Variants in CIT observed in about 807,000 individuals in gnomAD.
CIT encodes the protein citron Rho-interacting kinase.
Under a neutral mutation model 272.7 loss-of-function variants are expected in CIT, and 79 were observed. The observed-to-expected ratio is 0.29, with a 90% CI of 0.24 to 0.35. CIT has a LOEUF of 0.35. CIT is among the 10% of genes least tolerant of loss of function. The pLI is 1.00. For missense variants in CIT, 1,909 were observed against 2,618.3 expected, an observed-to-expected ratio of 0.73 and a Z score of 5.91; for synonymous variants, 948 against 995.6, an observed-to-expected ratio of 0.95 and a Z score of 0.90.
At chr12:119,798,020 C>T (rs1364725533) in intron 10 of CIT, among the ~76,000 whole-genome samples, 1 of 152,164 alleles carries the variant, frequency 6.6e-6, no homozygotes, top group Non-Finnish European at 1.5e-5. Context: ...CCTCTCTTTG[C>T]CAAGCTTAAG....
intron 13 of CIT, among the ~76,000 whole-genome samples, chr12:119,779,651 T>C (rs943777489): frequency 3.3e-5 from 5 of 152,138 alleles, no homozygotes; most frequent in Non-Finnish European, 5.9e-5. Flanking sequence ...GAGAAGGGAA[T>C]GTAATTTTTG....
chr12:119,698,727 A>T (rs1007950090), intron 44 of CIT, among the ~76,000 whole-genome samples: 3 of 152,212 alleles, frequency 2.0e-5, no homozygotes, highest in Admixed American at 2.0e-4. Flanking sequence ...GTTCAGAATC[A>T]TGTGGGAAGT....
At chr12:119,771,522 G>A (rs1421741845) in intron 17 of CIT, among the ~76,000 whole-genome samples, 1 of 152,130 alleles carries the variant, frequency 6.6e-6, no homozygotes, top group Non-Finnish European at 1.5e-5. Flanking sequence ...TAAGGGGAAG[G>A]GCAGGTGAAA....
At chr12:119,811,771 GT>G (rs917673996) in intron 9 of CIT, among the ~76,000 whole-genome samples, 81 of 152,156 alleles carry the variant, frequency 5.3e-4, no homozygotes, top group African/African-American at 1.8e-3. Flanking sequence ...GCTTTACTTT[GT>G]TTTTTTCTCT....
intron 23 of CIT, among the ~76,000 whole-genome samples, chr12:119,744,869 AC>A (rs1454528655): frequency 2.6e-5 from 4 of 152,144 alleles, no homozygotes; most frequent in Non-Finnish European, 5.9e-5. Context: ...GAACTTGAAG[AC>A]AAGTAGAAAC....
chr12:119,737,335 A>G (rs1216794463), intron 24 of CIT, among the ~76,000 whole-genome samples: 2 of 148,692 alleles, frequency 1.3e-5, no homozygotes, highest in Non-Finnish European at 3.0e-5. Flanking sequence ...AAAAAAAAAA[A>G]AAAAAAAGCC....
Position 119,686,656 on chromosome 12 carries a change from T to C in CIT, c.*1576A>G, listed in dbSNP as rs973095913. On this transcript the variant is annotated 3_prime_UTR_variant, in exon 48 of 48. Coordinates refer to ENST00000392521, the MANE Select transcript of CIT (RefSeq NM_001206999.2). ...GCCTACCTAGGAGGTGCCTGGGTTG[T>C]TGAGGCGGGCCTAAGAGTCGTGGAG... is the stretch of plus-strand genomic sequence containing the variant. The C allele has an allele frequency of 6.6e-6, 1 of 152,340 alleles. No homozygotes were observed. The highest frequency in any genetic ancestry group is 2.4e-5 in the African/African-American group (1 of 41,442). 9.4% of individuals were successfully genotyped at this position (152,340 alleles called of 1,614,324 possible). A position where few individuals can be genotyped will look rare whatever the true frequency, so the allele number is the denominator to read the frequency against.
chr12:119,707,798 C>A (rs1452189880), intron 40 of CIT, among the ~76,000 whole-genome samples: 2 of 152,220 alleles, frequency 1.3e-5, no homozygotes, highest in Non-Finnish European at 2.9e-5. Flanking sequence ...CCGCGCCCGG[C>A]CAGGCCATTG....
chr12:119,809,994 G>C (rs922387251), intron 9 of CIT, among the ~76,000 whole-genome samples: 12 of 152,324 alleles, frequency 7.9e-5, no homozygotes, highest in Non-Finnish European at 1.5e-4. Context: ...CTCGCCCTAT[G>C]CATTTCTTCA....
At chr12:119,742,321 CA>C (rs1487029120) in intron 24 of CIT, 89 bp downstream of exon 24, 3 of 898,328 alleles carry the variant, frequency 3.3e-6, no homozygotes, top group Non-Finnish European at 3.3e-6. Flanking sequence ...TATCAAAACT[CA>C]GTCACCAATA....
At chr12:119,788,622 G>GT (rs1430017265) in intron 10 of CIT, among the ~76,000 whole-genome samples, 1 of 152,166 alleles carries the variant, frequency 6.6e-6, no homozygotes, top group Non-Finnish European at 1.5e-5. Flanking sequence ...CCTGTTTAAA[G>GT]TGCACCGCTG....
chr12:119,844,413 A>G (rs1332041276), intron 5 of CIT, among the ~76,000 whole-genome samples: 1 of 152,138 alleles, frequency 6.6e-6, no homozygotes, highest in East Asian at 1.9e-4. Flanking sequence ...GCAAAATGGG[A>G]AGTCACACTA....
chr12:119,705,273 G>A (rs943804941), intron 40 of CIT, among the ~76,000 whole-genome samples: 6 of 152,156 alleles, frequency 3.9e-5, no homozygotes, highest in African/African-American at 1.2e-4. Context: ...TCATACACGT[G>A]CAGAGTTCTA....
At chr12:119,758,519 G>T in intron 21 of CIT, 72 bp downstream of exon 21, 2 of 931,740 alleles carry the variant, frequency 2.1e-6, no homozygotes, top group Non-Finnish European at 3.6e-6. Context: ...TCAAACAGAA[G>T]AAGGGAGTTT....
At chr12:119,819,090 C>T (rs886886909) in intron 9 of CIT, among the ~76,000 whole-genome samples, 2 of 152,172 alleles carry the variant, frequency 1.3e-5, no homozygotes, top group African/African-American at 4.8e-5. Flanking sequence ...CGGAACTGCA[C>T]AACCAGGGCA....
intron 23 of CIT, 98 bp from the exon 24 acceptor site, chr12:119,742,562 C>T (rs1363536406): frequency 1.2e-6 from 1 of 805,922 alleles, no homozygotes; most frequent in Non-Finnish European, 2.0e-6. Flanking sequence ...GCCTGGAAAG[C>T]CGAGAATGCG....
intron 3 of CIT, among the ~76,000 whole-genome samples, chr12:119,862,859 A>AAAAAAAAC (rs1950397368): frequency 6.8e-6 from 1 of 146,412 alleles, no homozygotes; most frequent in African/African-American, 2.5e-5. Flanking sequence ...CAAAAAAAAA[A>AAAAAAAAC]ACGAGGTAGG....
intron 41 of CIT, among the ~76,000 whole-genome samples, chr12:119,702,922 T>C (rs2136997312): frequency 6.6e-6 from 1 of 152,326 alleles, no homozygotes; most frequent in South Asian, 2.1e-4. Flanking sequence ...GTCATCTTAA[T>C]TACCTGCTTC....
At position 119,690,467 on chromosome 12, in the gene CIT, G is replaced by A; in HGVS notation, c.5883-13C>T. ...CTTGTTGGGGCTGCTGGCGACACAA[G>A]AGGAACGTAGGGAGCTGCGAGGCCA... On this transcript the variant is annotated splice_polypyrimidine_tract_variant and intron_variant, in intron 46 of 47. Transcript: ENST00000392521. The surrounding 1 kb of genome is among the most constrained non-coding windows in gnomAD (Gnocchi z 6.0). 6.4e-7 allele frequency: 1 copy of A among 1,572,808 alleles called. No homozygotes were observed. Among genetic ancestry groups the A allele is most frequent in the Non-Finnish European group, 8.6e-7 (1 of 1,168,932 alleles).
Sources: gnomAD v4.1 joint callset for allele counts (sites outside exome capture counted in the v4.1 genomes callset) on GRCh38, gnomAD v4.1.1 for gene constraint, Gnocchi (gnomAD v3.1) non-coding constraint, MANE v1.5 for transcripts, NCBI Gene and HGNC (gene_info 2026-07-23, HGNC 2026-07-21) for gene names.